The following TFG variants were observed in gnomAD, a reference collection of about 807,000 sequenced individuals.
TFG encodes the protein protein TFG.
TFG carries 22 observed loss-of-function variants against 51.4 expected under a neutral mutation model. That is an observed-to-expected ratio of 0.43 (90% CI 0.31 to 0.61). TFG has a LOEUF of 0.61. TFG is among the 20% of genes least tolerant of loss of function. The pLI is 0.12. For missense variants in TFG, 419 were observed against 487.7 expected (o/e 0.86, Z 1.33); for synonymous variants, 187 against 165.6 (o/e 1.13, Z -0.99).
At position 100,735,546 on chromosome 3, in the gene TFG, A is replaced by G. The variant is rs953014218; in HGVS notation, c.581-1030A>G. Among the ~76,000 whole-genome samples the G allele has an allele frequency of 3.9e-5, 6 of 152,342 alleles. No homozygotes were observed. The East Asian group carries it at 1.2e-3, about 29-fold the overall frequency. ...CAGAAAGAGATTATGTAACATGTCC[A>G]GAGTTACACAGCTAGTGAGTGACAG... On this transcript the variant is annotated intron_variant, in intron 5 of 7. Coordinates refer to ENST00000240851, the MANE Select transcript of TFG (RefSeq NM_006070.6).
chr3:100,719,254 T>G (rs1285032204), intron 2 of TFG, among the ~76,000 whole-genome samples: 1 of 152,190 alleles, frequency 6.6e-6, no homozygotes, highest in Non-Finnish European at 1.5e-5. Flanking sequence ...GAAGACACCC[T>G]GCAGAGGTCC....
chr3:100,733,572 C>A (rs1308400417), intron 5 of TFG, among the ~76,000 whole-genome samples: 2 of 152,096 alleles, frequency 1.3e-5, no homozygotes, highest in Admixed American at 6.6e-5. Context: ...AACACTTGGA[C>A]CCATTTGGAG....
rs2095160067 is a variant in TFG at position 100,748,845 on chromosome 3, G to T, written c.*314G>T. The T allele has an allele frequency of 3.4e-6, 1 of 294,168 alleles. No homozygotes were observed. Among genetic ancestry groups the T allele is most frequent in the South Asian group, 9.9e-5 (1 of 10,148 alleles). 18.2% of individuals were successfully genotyped at this position (294,168 alleles called of 1,614,324 possible). A position where few individuals can be genotyped will look rare whatever the true frequency, so the allele number is the denominator to read the frequency against. On this transcript the variant is annotated 3_prime_UTR_variant, in exon 8 of 8. Coordinates refer to ENST00000240851, the MANE Select transcript of TFG (RefSeq NM_006070.6). ...TATTAAAATGCTAGGGTGAGGTTTA[G>T]CCATCTTACTTGGCTTTTTACTATT...
intron 3 of TFG, among the ~76,000 whole-genome samples, chr3:100,720,999 A>G (rs189737698): frequency 8.5e-5 from 13 of 152,238 alleles, no homozygotes; most frequent in East Asian, 3.9e-4. Flanking sequence ...ATCATGGTCT[A>G]TTGATTTAAT....
At position 100,713,258 on chromosome 3, in the gene TFG, GT is replaced by G. The variant is rs1183047440; in HGVS notation, c.-43-382del. On this transcript the variant is annotated intron_variant, in intron 1 of 7. Coordinates refer to ENST00000240851, the MANE Select transcript of TFG (RefSeq NM_006070.6). The stretch of plus-strand genomic sequence containing the variant: ...CAGTGGCAACCATATTTTCTTGGCA[GT>G]TTGGATGTAAGGTTTGAGAGAGAGA... Among the ~76,000 whole-genome samples, 7 of 152,282 alleles carry G rather than the reference GT, an allele frequency of 4.6e-5. No individual in the cohort carries two copies. The East Asian group carries it at 1.4e-3, about 29-fold the overall frequency.
chr3:100,727,737 T>G (rs1347414571), intron 3 of TFG, among the ~76,000 whole-genome samples: 3 of 152,214 alleles, frequency 2.0e-5, no homozygotes, highest in Admixed American at 1.3e-4. Flanking sequence ...CCGAGTAATC[T>G]CTGGCATTTT....
chr3:100,726,902 T>C (rs542597936), intron 3 of TFG, among the ~76,000 whole-genome samples: 47 of 152,306 alleles, frequency 3.1e-4, no homozygotes, highest in African/African-American at 1.1e-3. Context: ...TCAAATCTTA[T>C]CTAGAAGGTG....
chr3:100,733,331 A>G (rs2095097069), intron 5 of TFG, among the ~76,000 whole-genome samples: 2 of 150,692 alleles, frequency 1.3e-5, no homozygotes, highest in Admixed American at 6.6e-5. Flanking sequence ...TTTCTGTTGA[A>G]CTCTTCAAGG....
intron 3 of TFG, among the ~76,000 whole-genome samples, chr3:100,722,012 G>T (rs1028137790): frequency 6.6e-6 from 1 of 152,168 alleles, no homozygotes. Flanking sequence ...TTAGCCAGCT[G>T]TAGTGGTGTG....
intron 3 of TFG, among the ~76,000 whole-genome samples, chr3:100,725,094 G>A (rs2095071423): frequency 6.6e-6 from 1 of 152,028 alleles, no homozygotes; most frequent in Non-Finnish European, 1.5e-5. Flanking sequence ...TTTTAGTAGA[G>A]ACGGGGTTTC....
At chr3:100,740,669 A>G (rs530306790) in intron 6 of TFG, among the ~76,000 whole-genome samples, 6 of 152,290 alleles carry the variant, frequency 3.9e-5, no homozygotes, top group African/African-American at 7.2e-5. Flanking sequence ...CATAAATGCT[A>G]TACATGTGCA....
intron 7 of TFG, 59 bp from the exon 8 acceptor site, chr3:100,748,090 C>A: frequency 6.5e-7 from 1 of 1,539,214 alleles, no homozygotes; most frequent in South Asian, 1.2e-5. Context: ...AAGACTAATT[C>A]TTTGGAAAAG....
In TFG at chr3:100,748,638, G is replaced by A. The variant is rs2095157773; in HGVS notation, c.*107G>A. On this transcript the variant is annotated 3_prime_UTR_variant, in exon 8 of 8. Coordinates refer to ENST00000240851, the MANE Select transcript of TFG (RefSeq NM_006070.6). ...AGAAGTTCAGAAATTTAAAAGCAGA[G>A]CATTTTTTATGATATCATTGTTGGT... 8.0e-7 allele frequency: 1 copy of A among 1,250,196 alleles called. No homozygotes were observed. Among genetic ancestry groups the A allele is most frequent in the Admixed American group, 2.8e-5 (1 of 35,656 alleles). The allele number at this position is 1,250,196 out of a possible 1,614,324, so 77.4% of individuals were successfully genotyped here. A position where few individuals can be genotyped will look rare whatever the true frequency, so the allele number is the denominator to read the frequency against.
intron 3 of TFG, among the ~76,000 whole-genome samples, chr3:100,726,084 CA>C: frequency 6.6e-6 from 1 of 152,174 alleles, no homozygotes; most frequent in Middle Eastern, 3.4e-3. Context: ...AGTCCAAGTC[CA>C]AAAGCCTGAA....
At chr3:100,734,119 C>A (rs2095099653) in intron 5 of TFG, among the ~76,000 whole-genome samples, 1 of 149,342 alleles carries the variant, frequency 6.7e-6, no homozygotes, top group African/African-American at 2.5e-5. Flanking sequence ...GGTTTTTGAA[C>A]TCTTTTGTGA....
intron 5 of TFG, among the ~76,000 whole-genome samples, chr3:100,733,681 G>C (rs552038289): frequency 6.6e-6 from 1 of 152,164 alleles, no homozygotes; most frequent in Admixed American, 6.5e-5. Flanking sequence ...ATAGTGTTTG[G>C]TTGAAAACTA....
chr3:100,733,326 G>A (rs76868158), intron 5 of TFG, among the ~76,000 whole-genome samples: 2,108 of 152,154 alleles, frequency 0.014, 44 homozygotes, highest in African/African-American at 0.049. Flanking sequence ...GGTGATTTCT[G>A]TTGAACTCTT....
chr3:100,732,738 C>CT, intron 5 of TFG, 66 bp downstream of exon 5: 1 of 1,356,300 alleles, frequency 7.4e-7, no homozygotes, highest in Non-Finnish European at 1.0e-6. Flanking sequence ...CCCTTTCCTT[C>CT]TTTCTTTAAT....
intron 6 of TFG, chr3:100,742,808 T>C (rs546513553): frequency 2.0e-5 from 3 of 152,220 alleles, no homozygotes; most frequent in South Asian, 2.1e-4. Context: ...AGGAATCTTG[T>C]GTAGAGATAT....
Sources: allele counts gnomAD v4.1 joint callset (sites outside exome capture counted in the v4.1 genomes callset), GRCh38; gene constraint gnomAD v4.1.1; transcripts MANE v1.5; gene names NCBI Gene and HGNC (gene_info 2026-07-23, HGNC 2026-07-21).